AKAP6: variants seen among roughly 807,000 people sequenced by gnomAD.
AKAP6 encodes the protein A-kinase anchor protein 6.
AKAP6 carries 58 observed loss-of-function variants against 188.5 expected under a neutral mutation model. The ratio of observed to expected loss-of-function variants is 0.31; its 90% CI spans 0.25 to 0.38. The LOEUF is 0.38. Ranked by LOEUF, AKAP6 falls within the 10% of genes least tolerant of loss-of-function variation. The probability of loss-of-function intolerance (pLI) is 1.00; values close to 1 mark genes in which losing one functional copy is unlikely to be tolerated. For synonymous variants in AKAP6, 989 were observed against 998.6 expected (o/e 0.99, Z 0.18); for missense variants, 2,710 against 2,740.0 (o/e 0.99, Z 0.24).
At chr14:32,606,526 T>C (rs1189533806) in intron 7 of AKAP6, among the ~76,000 whole-genome samples, 4 of 152,198 alleles carry the variant, frequency 2.6e-5, no homozygotes, top group Non-Finnish European at 5.9e-5. Flanking sequence ...ACTGAAAGCA[T>C]GCAACAACAG....
At chr14:32,445,955 T>A (rs1455030167) in intron 2 of AKAP6, among the ~76,000 whole-genome samples, 3 of 152,190 alleles carry the variant, frequency 2.0e-5, no homozygotes, top group Non-Finnish European at 4.4e-5. Context: ...TCTGAGGGTG[T>A]GAATCAGATT....
At chr14:32,788,830 C>T (rs898673716) in intron 12 of AKAP6, among the ~76,000 whole-genome samples, 3 of 152,170 alleles carry the variant, frequency 2.0e-5, no homozygotes, top group Non-Finnish European at 4.4e-5. Context: ...ATTCATATCC[C>T]TAGGAAGGGT....
chr14:32,411,631 C>A (rs1322650188), intron 1 of AKAP6, among the ~76,000 whole-genome samples: 1 of 152,086 alleles, frequency 6.6e-6, no homozygotes, highest in Non-Finnish European at 1.5e-5. Flanking sequence ...AAGATGTCAT[C>A]AGTTTTTGGG....
intron 2 of AKAP6, among the ~76,000 whole-genome samples, chr14:32,475,817 A>G (rs1157531678): frequency 6.6e-6 from 1 of 151,408 alleles, no homozygotes; most frequent in East Asian, 1.9e-4. Flanking sequence ...AGCTGGGACT[A>G]CAGGCGCCCG....
At chr14:32,387,588 C>A (rs1403268346) in intron 1 of AKAP6, among the ~76,000 whole-genome samples, 2 of 150,406 alleles carry the variant, frequency 1.3e-5, no homozygotes, top group African/African-American at 4.9e-5. Context: ...TTTTCTGCAT[C>A]TATTGAGACG....
intron 9 of AKAP6, among the ~76,000 whole-genome samples, chr14:32,723,119 C>T (rs942400651): frequency 3.9e-5 from 6 of 152,266 alleles, no homozygotes; most frequent in East Asian, 1.9e-4. Flanking sequence ...GCCGAGTAAA[C>T]GAGCCACACC....
chr14:32,567,502 A>G (rs545813482), intron 4 of AKAP6, among the ~76,000 whole-genome samples: 1 of 152,322 alleles, frequency 6.6e-6, no homozygotes, highest in Non-Finnish European at 1.5e-5. Context: ...TTGCTCGTTC[A>G]GTATGATAAA....
intron 2 of AKAP6, among the ~76,000 whole-genome samples, chr14:32,479,486 ATT>A (rs1455681202): frequency 6.6e-6 from 1 of 152,158 alleles, no homozygotes; most frequent in Non-Finnish European, 1.5e-5. Flanking sequence ...AATTTTATAC[ATT>A]GTTTCTTTAA....
At chr14:32,758,886 G>A (rs2032441523) in intron 11 of AKAP6, among the ~76,000 whole-genome samples, 1 of 152,148 alleles carries the variant, frequency 6.6e-6, no homozygotes. Flanking sequence ...TTGGAACTCA[G>A]AGATTTACCA....
At chr14:32,363,417 C>A (rs1887727738) in intron 1 of AKAP6, among the ~76,000 whole-genome samples, 1 of 152,174 alleles carries the variant, frequency 6.6e-6, no homozygotes. Context: ...CCACAATAGG[C>A]TGTCTGCAAG....
At chr14:32,357,612 T>C (rs1887524753) in intron 1 of AKAP6, among the ~76,000 whole-genome samples, 2 of 152,248 alleles carry the variant, frequency 1.3e-5, no homozygotes, top group Non-Finnish European at 2.9e-5. Flanking sequence ...AAGACAATCT[T>C]ACAGCATACA....
At position 32,577,198 on chromosome 14, in the gene AKAP6, A is replaced by G; in HGVS notation, c.2425A>G (p.Lys809Glu). The G allele has an allele frequency of 1.2e-6, 2 of 1,612,670 alleles. No homozygotes were observed. Among genetic ancestry groups the G allele is most frequent in the Non-Finnish European group, 1.7e-6 (2 of 1,179,184 alleles). Residue 809 changes from lysine to glutamate, a missense_variant, in exon 5 of 14, where the codon AAA (lysine) becomes GAA (glutamate). By Grantham distance (56) the Lys-to-Glu change is moderately conservative. This residue lies in a region of AKAP6 where 2,473 missense variants were observed against 2,426.1 expected (regional missense o/e 1.02). Transcript: ENST00000280979. ...AACTACAGAAAATTGGACTCCCCCTAAAGCAGAGATGGATGACCTTAAACT... is the reference window on the plus strand; with the variant it reads ...AACTACAGAAAATTGGACTCCCCCTGAAGCAGAGATGGATGACCTTAAACT... ...METTENWTPP[K>E]AEMDDLKLYL...
intron 2 of AKAP6, among the ~76,000 whole-genome samples, chr14:32,505,410 T>G (rs1880820569): frequency 6.6e-6 from 1 of 151,640 alleles, no homozygotes; most frequent in Admixed American, 6.6e-5. Flanking sequence ...GGCACAAAAT[T>G]TAAGAGGATG....
At chr14:32,581,245 T>C (rs1286085373) in intron 5 of AKAP6, among the ~76,000 whole-genome samples, 1 of 152,202 alleles carries the variant, frequency 6.6e-6, no homozygotes, top group Non-Finnish European at 1.5e-5. Context: ...CTTCATTTCG[T>C]TATGTACCCA....
In AKAP6 at chr14:32,767,177, G is replaced by A. The variant is rs774193319; in HGVS notation, c.3373-6501G>A. On this transcript the variant is annotated intron_variant, in intron 11 of 13. Coordinates refer to ENST00000280979, the MANE Select transcript of AKAP6 (RefSeq NM_004274.5). ...TTAACTGTAAAAGAAGTCTTTTATG[G>A]CATAAATTAGTCTTGATTGTATGAA... Among the ~76,000 whole-genome samples, 4 of 151,874 alleles carry A rather than the reference G, an allele frequency of 2.6e-5. No homozygotes were observed. The East Asian group carries it at 5.8e-4, about 22-fold the overall frequency.
intron 1 of AKAP6, among the ~76,000 whole-genome samples, chr14:32,415,930 T>A (rs1889642904): frequency 6.6e-6 from 1 of 152,196 alleles, no homozygotes. Flanking sequence ...CTTATCTGTT[T>A]TGCCATTCAT....
chr14:32,543,712 C>T (rs562868931), intron 3 of AKAP6, among the ~76,000 whole-genome samples: 58 of 152,154 alleles, frequency 3.8e-4, no homozygotes, highest in African/African-American at 1.4e-3. Context: ...GTGTGGAAAA[C>T]GAATTGGAGG....
At chr14:32,422,348 A>C (rs1034263527) in intron 1 of AKAP6, among the ~76,000 whole-genome samples, 1 of 152,120 alleles carries the variant, frequency 6.6e-6, no homozygotes, top group Non-Finnish European at 1.5e-5. Context: ...CACTAGAACA[A>C]CTCATAGAAC....
chr14:32,349,219 C>A (rs1019343468), intron 1 of AKAP6, among the ~76,000 whole-genome samples: 2 of 152,160 alleles, frequency 1.3e-5, no homozygotes, highest in Non-Finnish European at 2.9e-5. Flanking sequence ...GACAGGAATT[C>A]AAAACTGAAC....
Sources: gnomAD v4.1 joint callset for allele counts (sites outside exome capture counted in the v4.1 genomes callset) on GRCh38, gnomAD v4.1.1 for gene constraint, gnomAD v4.1.1 regional missense constraint, MANE v1.5 for transcripts, NCBI Gene and HGNC (gene_info 2026-07-23, HGNC 2026-07-21) for gene names.